The following ELMO2 variants were observed in gnomAD, a reference collection of about 807,000 sequenced individuals.
The protein encoded by ELMO2 is engulfment and cell motility 2.
In ELMO2, 37 loss-of-function variants were observed where a neutral mutation model predicts 96.2. The observed-to-expected ratio is 0.38, with a 90% CI of 0.30 to 0.51. ELMO2 has a LOEUF of 0.51. ELMO2 is among the 20% of genes least tolerant of loss of function. ELMO2 has a pLI of 0.88. For synonymous variants in ELMO2, 315 were observed against 329.4 expected (o/e 0.96, Z 0.47); for missense variants, 561 against 912.6 (o/e 0.61, Z 4.96).
intron 10 of ELMO2, among the ~76,000 whole-genome samples, chr20:46,382,717 T>G (rs2059978486): frequency 6.6e-6 from 1 of 152,228 alleles, no homozygotes; most frequent in Admixed American, 6.5e-5. Flanking sequence ...TCCTTATTTG[T>G]GAAACAGGGA....
intron 6 of ELMO2, among the ~76,000 whole-genome samples, chr20:46,391,322 T>C (rs541227753): frequency 1.3e-5 from 2 of 152,248 alleles, no homozygotes; most frequent in South Asian, 4.1e-4. Flanking sequence ...TAATTTAACC[T>C]CTCTAACCCT....
rs2059590209 is a variant in ELMO2, at chr20:46,366,511, GA to G, written c.*848del. 6.5e-6 allele frequency: 1 copy of G among 152,692 alleles called. No homozygotes were observed. Among genetic ancestry groups the G allele is most frequent in the Admixed American group, 6.5e-5 (1 of 15,292 alleles). The allele number at this position is 152,692 out of a possible 1,614,324, so 9.5% of individuals were successfully genotyped here. A position where few individuals can be genotyped will look rare whatever the true frequency, so the allele number is the denominator to read the frequency against. On this transcript the variant is annotated 3_prime_UTR_variant, in exon 22 of 22. Transcript: ENST00000290246. ...CTTCCTGGGGTCTGGAAGGCCAAAG[GA>G]AAGCAAACTGGAGGGGGCTGCAATT... is the stretch of plus-strand genomic sequence containing the variant.
intron 3 of ELMO2, 88 bp from the exon 4 acceptor site, chr20:46,394,177 G>A (rs1372402779): frequency 1.2e-5 from 16 of 1,293,864 alleles, no homozygotes; most frequent in Non-Finnish European, 1.8e-5. Flanking sequence ...GCAGGGTCAA[G>A]CTGGGGCATG....
Position 46,367,298 on chromosome 20 carries a change from G to T in ELMO2, c.*62C>A. On this transcript the variant is annotated 3_prime_UTR_variant, in exon 22 of 22. Coordinates refer to ENST00000290246, the MANE Select transcript of ELMO2 (RefSeq NM_133171.5). ...CAAGCAAAAGACAAGGCACCAGAAT[G>T]TAAGTGTTTCTCCTGGGCCCAAAAT... 1 of 1,360,406 alleles carries T rather than the reference G, an allele frequency of 7.4e-7. No individual in the cohort carries two copies. 84.3% of individuals were successfully genotyped at this position (1,360,406 alleles called of 1,614,324 possible).
chr20:46,377,348 T>C (rs1032114171), intron 11 of ELMO2, among the ~76,000 whole-genome samples: 1 of 152,222 alleles, frequency 6.6e-6, no homozygotes, highest in Non-Finnish European at 1.5e-5. Context: ...GAACTTAATG[T>C]CCCTATTCCT....
In ELMO2 at chr20:46,371,376, T is replaced by C. The variant is rs1369415304; in HGVS notation, c.1777A>G (p.Thr593Ala). ...CTTTTCTCCTGCAGGGATTCAAATG[T>C]CACCTCCCCTTGTGGGTTGTCATCC... is the stretch of plus-strand genomic sequence containing the variant. Reference protein sequence around the residue: ...DLDDNPQGEVTFESLQEKIPV... With the variant: ...DLDDNPQGEVAFESLQEKIPV... The change falls in exon 19 of 22, where the codon ACA becomes GCA. Residue 593 changes from threonine (T) to alanine (A), a missense_variant. By Grantham distance (58) the Thr-to-Ala change is moderately conservative. Transcript: ENST00000290246. This position sits in a 1 kb window ranked among gnomAD's most constrained non-coding sequence, Gnocchi z 5.9. 8 of 1,614,236 alleles carry C rather than the reference T, an allele frequency of 5.0e-6. No homozygotes were observed. The highest frequency in any genetic ancestry group is 5.1e-6 in the Non-Finnish European group (6 of 1,180,042).
chr20:46,377,568 AGG>A (rs1568758701), intron 11 of ELMO2, among the ~76,000 whole-genome samples: 28 of 152,376 alleles, frequency 1.8e-4, no homozygotes, highest in African/African-American at 6.0e-4. Flanking sequence ...ATTACAAATT[AGG>A]TCCTCAGCCA....
chr20:46,376,268 A>G (rs1600835275), intron 11 of ELMO2, among the ~76,000 whole-genome samples: 4 of 152,150 alleles, frequency 2.6e-5, no homozygotes, highest in South Asian at 2.1e-4. Flanking sequence ...TTTTCTTTCA[A>G]TGATACTGAG....
At chr20:46,376,441 C>G (rs2059861109) in intron 11 of ELMO2, among the ~76,000 whole-genome samples, 1 of 152,058 alleles carries the variant, frequency 6.6e-6, no homozygotes, top group Non-Finnish European at 1.5e-5. Context: ...TCTCCCTCCC[C>G]ACTGTCTCTG....
chr20:46,394,597 T>C lies in ELMO2; in HGVS notation c.-50-65A>G, dbSNP rs2425875. 1.2e-3 allele frequency: 1,476 copies of C among 1,252,724 alleles called. 11 individuals carry two copies. The African/African-American group carries it at 0.019, about 16-fold the overall frequency. 77.6% of individuals were successfully genotyped at this position (1,252,724 alleles called of 1,614,324 possible). ...CTTCATTTTTCACTCTTGTTACATG[T>C]TTTGAAGAGTTTGAAGACAGACACT... On this transcript the variant is annotated intron_variant, in intron 2 of 21. Transcript: ENST00000290246.
chr20:46,404,828 A>T (rs917707699), intron 1 of ELMO2, among the ~76,000 whole-genome samples: 1 of 152,240 alleles, frequency 6.6e-6, no homozygotes, highest in Non-Finnish European at 1.5e-5. Flanking sequence ...ATATTACTAA[A>T]ATAATTTCAG....
chr20:46,380,299 A>G lies in ELMO2; in HGVS notation c.761T>C (p.Met254Thr). 1 of 1,613,206 alleles carries G rather than the reference A, an allele frequency of 6.2e-7. No homozygotes were observed. Among genetic ancestry groups the G allele is most frequent in the East Asian group, 2.2e-5 (1 of 44,888 alleles). The part of the protein sequence containing the change: ...LKAPEDKRQD[M>T]ANAFAQKHLR... ...ATGCTTCTGTGCAAATGCATTTGCCATATCCTGTGGAGGAAAATAAGCAAA... is the reference window on the plus strand; with the variant it reads ...ATGCTTCTGTGCAAATGCATTTGCCGTATCCTGTGGAGGAAAATAAGCAAA... The change falls in exon 11 of 22, where the codon ATG (methionine) becomes ACG (threonine). Residue 254 changes from methionine (M) to threonine (T), a missense_variant. Met to Thr is a moderately conservative substitution (Grantham distance 81, BLOSUM62 -1). Transcript: ENST00000290246.
Position 46,386,207 on chromosome 20 carries a change from CT to C in ELMO2, c.593del (p.Glu198GlyfsTer5). ...SILQRSLAIL[E>X]SMVLNSQSLY... ...GACTCTGGCTGTTCAAGACCATGCT[CT>C]CCAGGATGGCCAGGGACCTCTGAAG... is the stretch of plus-strand genomic sequence containing the variant. On this transcript the variant is annotated frameshift_variant, in exon 9 of 22. Transcript: ENST00000290246. LOFTEE classifies it high-confidence loss of function. 1 of 1,614,172 alleles carries C rather than the reference CT, an allele frequency of 6.2e-7. No homozygotes were observed. Among genetic ancestry groups the C allele is most frequent in the Non-Finnish European group, 8.5e-7 (1 of 1,180,014 alleles).
intron 9 of ELMO2, among the ~76,000 whole-genome samples, chr20:46,384,959 AGAAAAG>A (rs1250757997): frequency 6.6e-6 from 1 of 152,094 alleles, no homozygotes; most frequent in African/African-American, 2.4e-5. Context: ...GTCTCAAAAA[AGAAAAG>A]CAAAGAAAGC....
chr20:46,381,889 A>G (rs1449637065), intron 10 of ELMO2, among the ~76,000 whole-genome samples: 1 of 152,220 alleles, frequency 6.6e-6, no homozygotes, highest in African/African-American at 2.4e-5. Flanking sequence ...TGACGCATCC[A>G]TGGTATTGTC....
At chr20:46,370,979 A>G (rs1052098173) in intron 19 of ELMO2, among the ~76,000 whole-genome samples, 1 of 152,150 alleles carries the variant, frequency 6.6e-6, no homozygotes, top group African/African-American at 2.4e-5. Context: ...TATTATTCCC[A>G]CTTTACAGGA....
intron 21 of ELMO2, 112 bp from the exon 22 acceptor site, chr20:46,367,672 T>A: frequency 2.9e-6 from 2 of 693,928 alleles, no homozygotes; most frequent in Non-Finnish European, 4.4e-6. Context: ...AACTAATCAG[T>A]ATAGGCAAAA....
rs755747025 is a variant in ELMO2, at chr20:46,394,072, G to A, written c.96C>T (p.Ser32=). 1 of 1,613,994 alleles carries A rather than the reference G, an allele frequency of 6.2e-7. No homozygotes were observed. The highest frequency in any genetic ancestry group is 1.7e-5 in the Admixed American group (1 of 60,014). Reference sequence around the variant, plus strand: ...ACCCATCACAAACTTCCTTGATAATGGATGCCAGGGGCCGTTTCTGAAAGA... The same window carrying A: ...ACCCATCACAAACTTCCTTGATAATAGATGCCAGGGGCCGTTTCTGAAAGA... ...LEIDQKRPLA[S]IIKEVCDGWS... Residue 32 remains serine (S), a synonymous_variant, in exon 4 of 22, where the codon TCC becomes TCT. Transcript: ENST00000290246.
At chr20:46,385,621 G>A (rs138489893) in intron 9 of ELMO2, among the ~76,000 whole-genome samples, 5 of 152,302 alleles carry the variant, frequency 3.3e-5, no homozygotes, top group African/African-American at 1.2e-4. Flanking sequence ...ACACCTGTGT[G>A]ATATTTCTTA....
Sources: gnomAD v4.1 joint callset for allele counts (sites outside exome capture counted in the v4.1 genomes callset) on GRCh38, gnomAD v4.1.1 for gene constraint, Gnocchi (gnomAD v3.1) non-coding constraint, MANE v1.5 for transcripts, NCBI Gene and HGNC (gene_info 2026-07-23, HGNC 2026-07-21) for gene names.